Variants in CLIC6 observed in about 807,000 individuals in gnomAD.
CLIC6 encodes chloride intracellular channel protein 6.
In CLIC6, 39 loss-of-function variants were observed where a neutral mutation model predicts 49.2. That is an observed-to-expected ratio of 0.79 (90% CI 0.61 to 1.04). CLIC6 has a LOEUF of 1.04. Ranked by LOEUF, CLIC6 falls within the 50% of genes least tolerant of loss-of-function variation. The pLI is 0.00. For missense variants in CLIC6, 988 were observed against 993.1 expected (o/e 0.99, Z 0.07); for synonymous variants, 446 against 433.4 (o/e 1.03, Z -0.36).
In CLIC6 at chr21:34,714,065, G is replaced by A. The variant is rs147867245; in HGVS notation, c.1900-2256G>A. Among the ~76,000 whole-genome samples the A allele has an allele frequency of 4.5e-3, 684 of 152,224 alleles. 4 individuals are homozygous for A. Among genetic ancestry groups the A allele is most frequent in the African/African-American group, 0.015 (635 of 41,534 alleles). ...AGAATTTTATATCTAGGCAATTACC[G>A]TTTTGACCTAGACCTCTGGTCTCTT... On this transcript the variant is annotated intron_variant, in intron 5 of 5. Coordinates refer to ENST00000349499, the MANE Select transcript of CLIC6 (RefSeq NM_053277.3).
At chr21:34,694,744 A>G (rs981431347) in intron 1 of CLIC6, among the ~76,000 whole-genome samples, 6 of 152,232 alleles carry the variant, frequency 3.9e-5, no homozygotes, top group African/African-American at 1.4e-4. Context: ...CTGTGTAGCA[A>G]TGTGAGAATG....
rs747599807 is a variant in CLIC6 at position 34,709,567 on chromosome 21, G to A, written c.1899+29G>A. On this transcript the variant is annotated intron_variant, in intron 5 of 5. Transcript: ENST00000349499. ...CATCTTCCCTCCCGACACGTGTGCC[G>A]AGTACACGAACGGGGCTTTGTTTTA... 84 of 1,595,308 alleles carry A rather than the reference G, an allele frequency of 5.3e-5. No individual in the cohort carries two copies. In the East Asian group the frequency reaches 7.8e-4, roughly 15 times the overall value.
chr21:34,669,799 G>A lies in CLIC6; in HGVS notation c.411G>A (p.Arg137=). Residue 137 remains arginine, a synonymous_variant, in exon 1 of 6, where the codon AGG becomes AGA. Coordinates refer to ENST00000349499, the MANE Select transcript of CLIC6 (RefSeq NM_053277.3). Reference sequence around the variant, plus strand: ...CCGAGGACTCTGCGGCCCCCGAGAGGCAGGAGGAGGCGGAGCAGAGGCCTG... The same window carrying A: ...CCGAGGACTCTGCGGCCCCCGAGAGACAGGAGGAGGCGGAGCAGAGGCCTG... ...REPEDSAAPE[R]QEEAEQRPEV... 1 of 1,424,650 alleles carries A rather than the reference G, an allele frequency of 7.0e-7. No individual in the cohort carries two copies. Among genetic ancestry groups the A allele is most frequent in the Non-Finnish European group, 9.1e-7 (1 of 1,099,828 alleles). 88.3% of individuals were successfully genotyped at this position (1,424,650 alleles called of 1,614,324 possible). A position where few individuals can be genotyped will look rare whatever the true frequency, so the allele number is the denominator to read the frequency against.
rs754329010 is a variant in CLIC6 at position 34,669,839 on chromosome 21, A to G, written c.451A>G (p.Ser151Gly). The G allele has an allele frequency of 2.8e-6, 4 of 1,406,422 alleles. No homozygotes were observed. The South Asian group carries it at 4.6e-5, about 16-fold the overall frequency. 87.1% of individuals were successfully genotyped at this position (1,406,422 alleles called of 1,614,324 possible). The change falls in exon 1 of 6, where the codon AGC becomes GGC. Residue 151 changes from serine to glycine, a missense_variant. Around this residue, in one of 3 missense-constraint regions of CLIC6, gnomAD observed 284 missense variants for 278.6 expected, o/e 1.02. Coordinates refer to ENST00000349499, the MANE Select transcript of CLIC6 (RefSeq NM_053277.3). ...AEQRPEVPEG[S>G]ASGEAGDSVD... ...GCAGAGGCCTGAGGTCCCGGAAGGTAGCGCGTCCGGGGAGGCGGGGGACAG... is the reference window on the plus strand; with the variant it reads ...GCAGAGGCCTGAGGTCCCGGAAGGTGGCGCGTCCGGGGAGGCGGGGGACAG...
intron 5 of CLIC6, among the ~76,000 whole-genome samples, chr21:34,713,468 T>C (rs529525426): frequency 5.3e-4 from 80 of 152,206 alleles, no homozygotes; most frequent in Non-Finnish European, 1.1e-3. Context: ...AAGACATTGC[T>C]GAAATTGATT....
chr21:34,694,583 C>G (rs1383963858), intron 1 of CLIC6, among the ~76,000 whole-genome samples: 1 of 152,190 alleles, frequency 6.6e-6, no homozygotes, highest in Non-Finnish European at 1.5e-5. Flanking sequence ...TCCTCCTTCT[C>G]CAGCCATGTA....
chr21:34,707,169 G>A (rs2056019985), intron 1 of CLIC6, 111 bp from the exon 2 acceptor site: 2 of 837,228 alleles, frequency 2.4e-6, no homozygotes, highest in East Asian at 2.6e-5. Context: ...GATATTCGCA[G>A]CATCCTGACC....
At chr21:34,687,856 A>G (rs1375796928) in intron 1 of CLIC6, among the ~76,000 whole-genome samples, 2 of 152,224 alleles carry the variant, frequency 1.3e-5, no homozygotes. Flanking sequence ...TTAATTTCTA[A>G]GTTTTAATGA....
At chr21:34,712,647 C>T (rs1208936096) in intron 5 of CLIC6, among the ~76,000 whole-genome samples, 2 of 152,126 alleles carry the variant, frequency 1.3e-5, no homozygotes, top group Non-Finnish European at 1.5e-5. Context: ...TAGGCTGTGA[C>T]CCAGCACCTA....
rs568470483 is a variant in CLIC6, at chr21:34,688,104, AATG to A, written c.1374+17348_1374+17350del. ...TCTTTTCTAAAATAGGCCTTGCTGCAATGATGATACATGTTTCCTTTATAGACT... is the reference window on the plus strand; with the variant it reads ...TCTTTTCTAAAATAGGCCTTGCTGCAATGATACATGTTTCCTTTATAGACT... On this transcript the variant is annotated intron_variant, in intron 1 of 5. Coordinates refer to ENST00000349499, the MANE Select transcript of CLIC6 (RefSeq NM_053277.3). Among the ~76,000 whole-genome samples the A allele has an allele frequency of 1.8e-4, 28 of 152,358 alleles. 1 individual carries two copies. In the South Asian group the frequency reaches 5.8e-3, roughly 32 times the overall value.
At chr21:34,670,878 C>T in intron 1 of CLIC6, 116 bp downstream of exon 1, 3 of 1,184,370 alleles carry the variant, frequency 2.5e-6, no homozygotes, top group East Asian at 2.9e-5. Flanking sequence ...TGATTGTCAT[C>T]AGGCGCTTCC....
chr21:34,670,088 G>A lies in CLIC6; in HGVS notation c.700G>A (p.Gly234Ser). 1 of 1,387,476 alleles carries A rather than the reference G, an allele frequency of 7.2e-7. No homozygotes were observed. Among genetic ancestry groups the A allele is most frequent in the Non-Finnish European group, 9.3e-7 (1 of 1,079,138 alleles). 85.9% of individuals were successfully genotyped at this position (1,387,476 alleles called of 1,614,324 possible). ...GGTGGGGGACAGCGTAGACGCGGAAGGTCCGGCGGGGGACAGCGTAGACGC... is the reference window on the plus strand; with the variant it reads ...GGTGGGGGACAGCGTAGACGCGGAAAGTCCGGCGGGGGACAGCGTAGACGC... Reference protein sequence around the residue: ...GRVGDSVDAEGPAGDSVDAEG... With the variant: ...GRVGDSVDAESPAGDSVDAEG... The change falls in exon 1 of 6, where the codon GGT becomes AGT. Residue 234 changes from glycine to serine, a missense_variant. Coordinates refer to ENST00000349499, the MANE Select transcript of CLIC6 (RefSeq NM_053277.3).
chr21:34,712,311 C>T (rs1488666676), intron 5 of CLIC6, among the ~76,000 whole-genome samples: 1 of 152,150 alleles, frequency 6.6e-6, no homozygotes, highest in Non-Finnish European at 1.5e-5. Context: ...CCAGCAAAAA[C>T]AATATCAAAA....
rs1459582826 is a variant in CLIC6 at position 34,709,452 on chromosome 21, G to A, written c.1813G>A (p.Val605Ile). 1 of 1,614,036 alleles carries A rather than the reference G, an allele frequency of 6.2e-7. No individual in the cohort carries two copies. The highest frequency in any genetic ancestry group is 1.3e-5 in the African/African-American group (1 of 75,054). Residue 605 changes from valine to isoleucine, a missense_variant, in exon 5 of 6, where the codon GTC becomes ATC. Physicochemically the swap from Val to Ile is conservative, Grantham distance 29. This residue lies in a region of CLIC6 where 647 missense variants were observed against 596.9 expected (regional missense o/e 1.08). Transcript: ENST00000349499. The part of the protein sequence containing the change: ...DEIDAYSTED[V>I]TVSGRKFLDG... Reference sequence around the variant, plus strand: ...AATAGATGCCTACAGCACCGAGGATGTCACTGTTTCTGGAAGGAAGTTTCT... The same window carrying A: ...AATAGATGCCTACAGCACCGAGGATATCACTGTTTCTGGAAGGAAGTTTCT...
rs200426571 is a variant in CLIC6, at chr21:34,669,890, G to A, written c.502G>A (p.Asp168Asn). ...CGTAGACGCGGAGGGCCCGCTGGGG[G>A]ACAACATAGAAGCGGAGGGCCCGGC... ...DSVDAEGPLG[D>N]NIEAEGPAGD... The change falls in exon 1 of 6, where the codon GAC becomes AAC. Residue 168 changes from aspartate to asparagine, a missense_variant. Asp to Asn is a conservative substitution (Grantham distance 23). Around this residue, in one of 3 missense-constraint regions of CLIC6, gnomAD observed 284 missense variants for 278.6 expected, o/e 1.02. Transcript: ENST00000349499. 2.1e-3 allele frequency: 2,763 copies of A among 1,330,160 alleles called. 41 individuals are homozygous for A. The East Asian group carries it at 0.04, about 19-fold the overall frequency. 82.4% of individuals were successfully genotyped at this position (1,330,160 alleles called of 1,614,324 possible).
intron 1 of CLIC6, among the ~76,000 whole-genome samples, chr21:34,691,119 C>T (rs1989984611): frequency 6.6e-6 from 1 of 152,176 alleles, no homozygotes; most frequent in Non-Finnish European, 1.5e-5. Context: ...CTCTAAATTG[C>T]TAACTTCTAC....
chr21:34,688,212 A>G (rs1338618340), intron 1 of CLIC6, among the ~76,000 whole-genome samples: 1 of 152,234 alleles, frequency 6.6e-6, no homozygotes, highest in Non-Finnish European at 1.5e-5. Context: ...CAAAGATGTG[A>G]AAACGAGGGG....
rs952251348 is a variant in CLIC6 at position 34,670,459 on chromosome 21, C to T, written c.1071C>T (p.Asp357=). ...PGDARADAGE[D]RVGDGPQQEP... ...ACGCAAGGGCAGACGCTGGCGAGGA[C>T]AGGGTAGGGGATGGGCCACAGCAGG... The change falls in exon 1 of 6, where the codon GAC becomes GAT. Residue 357 remains aspartate, a synonymous_variant. Coordinates refer to ENST00000349499, the MANE Select transcript of CLIC6 (RefSeq NM_053277.3). The T allele has an allele frequency of 2.0e-6, 3 of 1,476,488 alleles. No individual in the cohort carries two copies. Among genetic ancestry groups the T allele is most frequent in the Middle Eastern group, 2.1e-4 (1 of 4,686 alleles). 91.5% of individuals were successfully genotyped at this position (1,476,488 alleles called of 1,614,324 possible).
At chr21:34,707,658 A>G (rs75358286) in intron 2 of CLIC6, among the ~76,000 whole-genome samples, 157 of 152,278 alleles carry the variant, frequency 1.0e-3, no homozygotes, top group African/African-American at 3.5e-3. Flanking sequence ...AGCCTGTCTG[A>G]GCACCATCCC....
Sources: gnomAD v4.1 joint callset for allele counts (sites outside exome capture counted in the v4.1 genomes callset) on GRCh38, gnomAD v4.1.1 for gene constraint, gnomAD v4.1.1 regional missense constraint, MANE v1.5 for transcripts, NCBI Gene and HGNC (gene_info 2026-07-23, HGNC 2026-07-21) for gene names.